NTNG1: variants seen among roughly 807,000 people sequenced by gnomAD.
The protein encoded by NTNG1 is netrin G1, also known as netrin-G1.
A neutral mutation model predicts 54.0 loss-of-function variants in NTNG1; 16 were observed. That is an observed-to-expected ratio of 0.30 (90% confidence interval 0.20 to 0.45). The LOEUF (loss-of-function observed/expected upper bound fraction) is 0.45, where lower values mean the gene tolerates loss of function less well. Among genes scored for constraint, NTNG1 ranks in the 20% least tolerant of loss-of-function variants. The probability of loss-of-function intolerance (pLI) is 1.00; values close to 1 mark genes in which losing one functional copy is unlikely to be tolerated. For missense variants in NTNG1, 530 were observed against 678.7 expected (o/e 0.78, Z 2.43); for synonymous variants, 255 against 263.1 (o/e 0.97, Z 0.30).
At chr1:107,212,852 TA>T (rs1476647718) in intron 2 of NTNG1, among the ~76,000 whole-genome samples, 1 of 152,050 alleles carries the variant, frequency 6.6e-6, no homozygotes, top group Non-Finnish European at 1.5e-5. Flanking sequence ...GCTCAGTATA[TA>T]TCCAGCCTTT....
intron 3 of NTNG1, among the ~76,000 whole-genome samples, chr1:107,370,281 G>A (rs1166373246): frequency 1.3e-5 from 2 of 150,338 alleles, no homozygotes; most frequent in Non-Finnish European, 3.0e-5. Flanking sequence ...TTCTCCAAAG[G>A]AGAGGATTAC....
chr1:107,288,964 G>A (rs557342733), intron 2 of NTNG1, among the ~76,000 whole-genome samples: 11 of 152,046 alleles, frequency 7.2e-5, no homozygotes, highest in Non-Finnish European at 1.5e-4. Flanking sequence ...AAGAAACCTC[G>A]CCTTAATAAA....
At chr1:107,348,113 T>TTTATTA (rs147243583) in intron 3 of NTNG1, among the ~76,000 whole-genome samples, 2 of 148,414 alleles carry the variant, frequency 1.3e-5, no homozygotes, top group African/African-American at 2.5e-5. Flanking sequence ...TTTGTTTGCT[T>TTTATTA]TTATTATTAT....
At chr1:107,359,571 G>A (rs1174805429) in intron 3 of NTNG1, among the ~76,000 whole-genome samples, 1 of 152,152 alleles carries the variant, frequency 6.6e-6, no homozygotes, top group Non-Finnish European at 1.5e-5. Context: ...GGCATCAGAA[G>A]TGAAGGGTGA....
Position 107,290,984 on chromosome 1 carries a change from T to TATAC in NTNG1, c.247-33297_247-33296insTACA, listed in dbSNP as rs1160371267. 7.6e-4 allele frequency among the ~76,000 whole-genome samples: 106 copies of TATAC among 140,008 alleles called. 1 individual carries two copies. Among genetic ancestry groups the TATAC allele is most frequent in the South Asian group, 1.3e-3 (6 of 4,506 alleles). 91.9% of individuals were successfully genotyped at this position (140,008 alleles called of 152,430 possible). A position where few individuals can be genotyped will look rare whatever the true frequency, so the allele number is the denominator to read the frequency against. ...TATATTATATATATATATATATATA[T>TATAC]ACACACACACATACATACACACGCA... On this transcript the variant is annotated intron_variant, in intron 2 of 7. Transcript: ENST00000370068.
upstream of NTNG1, among the ~76,000 whole-genome samples, chr1:107,140,616 T>G (rs144791558): frequency 5.9e-5 from 9 of 151,724 alleles, no homozygotes; most frequent in South Asian, 2.1e-4. Flanking sequence ...TTGGCGCCAA[T>G]GCTAATTGTC....
intron 3 of NTNG1, among the ~76,000 whole-genome samples, chr1:107,377,010 G>A (rs1671320755): frequency 6.6e-6 from 1 of 152,214 alleles, no homozygotes. Context: ...GGTCTGCAAA[G>A]GGGGAGATTA....
intron 2 of NTNG1, among the ~76,000 whole-genome samples, chr1:107,298,350 C>T (rs1260101809): frequency 1.3e-5 from 2 of 151,904 alleles, no homozygotes; most frequent in Non-Finnish European, 2.9e-5. Flanking sequence ...TACCTTTTTT[C>T]GAAGTTCTCA....
At chr1:107,430,672 C>T (rs1329032484) in intron 5 of NTNG1, 78 bp from the exon 6 acceptor site, 1 of 1,438,652 alleles carries the variant, frequency 7.0e-7, no homozygotes, top group South Asian at 1.1e-5. Context: ...CTCCATCCCT[C>T]ATTTTACCCA....
At chr1:107,186,086 A>G (rs1284001891) in intron 2 of NTNG1, among the ~76,000 whole-genome samples, 1 of 152,108 alleles carries the variant, frequency 6.6e-6, no homozygotes, top group African/African-American at 2.4e-5. Context: ...TGCATTATTT[A>G]GCTTCCACTT....
chr1:107,314,428 TAAA>T (rs1667212252), intron 2 of NTNG1, among the ~76,000 whole-genome samples: 2 of 151,060 alleles, frequency 1.3e-5, no homozygotes, highest in African/African-American at 4.9e-5. Flanking sequence ...AATAAATAAA[TAAA>T]TAAATAAATA....
intron 2 of NTNG1, among the ~76,000 whole-genome samples, chr1:107,237,698 C>T (rs1342450759): frequency 1.3e-5 from 2 of 152,160 alleles, no homozygotes; most frequent in Admixed American, 1.3e-4. Flanking sequence ...CACTGTAGAG[C>T]TCAAGCAGAC....
chr1:107,211,553 G>T (rs983908622), intron 2 of NTNG1, among the ~76,000 whole-genome samples: 4 of 152,054 alleles, frequency 2.6e-5, no homozygotes, highest in Non-Finnish European at 4.4e-5. Flanking sequence ...TATCCATGAA[G>T]TCCCATTAGC....
intron 7 of NTNG1, among the ~76,000 whole-genome samples, chr1:107,469,988 A>T (rs1259359400): frequency 1.3e-5 from 2 of 152,188 alleles, no homozygotes; most frequent in East Asian, 3.8e-4. Context: ...CCACTCATTT[A>T]GCACCAGTCT....
intron 4 of NTNG1, among the ~76,000 whole-genome samples, chr1:107,404,108 T>G (rs1011412944): frequency 6.7e-6 from 1 of 150,168 alleles, no homozygotes; most frequent in African/African-American, 2.4e-5. Context: ...TATGTATAAT[T>G]TTATATTTTA....
At chr1:107,390,179 G>A (rs1295943078) in intron 3 of NTNG1, among the ~76,000 whole-genome samples, 2 of 152,184 alleles carry the variant, frequency 1.3e-5, no homozygotes, top group Non-Finnish European at 2.9e-5. Flanking sequence ...TCTACTTGCA[G>A]TGTTCAGCCC....
At chr1:107,304,311 A>C (rs1272413598) in intron 2 of NTNG1, among the ~76,000 whole-genome samples, 2 of 152,008 alleles carry the variant, frequency 1.3e-5, no homozygotes, top group Admixed American at 1.3e-4. Flanking sequence ...TAGTACACAC[A>C]TTCAACTATC....
chr1:107,246,063 T>C (rs1360907541), intron 2 of NTNG1, among the ~76,000 whole-genome samples: 3 of 152,176 alleles, frequency 2.0e-5, no homozygotes, highest in Non-Finnish European at 4.4e-5. Context: ...TGTTTTGTTT[T>C]GTTTTGGAGA....
intron 5 of NTNG1, among the ~76,000 whole-genome samples, chr1:107,417,062 T>TGG (rs2101209944): frequency 6.6e-6 from 1 of 152,234 alleles, no homozygotes; most frequent in South Asian, 2.1e-4. Context: ...GCTTGTCCTA[T>TGG]TAATTCAATA....
Sources: gnomAD v4.1 joint callset for allele counts (sites outside exome capture counted in the v4.1 genomes callset) on GRCh38, gnomAD v4.1.1 for gene constraint, MANE v1.5 for transcripts, NCBI Gene and HGNC (gene_info 2026-07-23, HGNC 2026-07-21) for gene names.